UBE2E3: variants seen among roughly 807,000 people sequenced by gnomAD.
UBE2E3 encodes the protein ubiquitin conjugating enzyme E2 E3, also known as ubiquitin-conjugating enzyme E2 E3.
UBE2E3 carries 5 observed loss-of-function variants against 23.6 expected under a neutral mutation model. That is an observed-to-expected ratio of 0.21 (90% confidence interval 0.11 to 0.44). The LOEUF (loss-of-function observed/expected upper bound fraction) is 0.44, where lower values mean the gene tolerates loss of function less well. UBE2E3 is among the 20% of genes least tolerant of loss of function. UBE2E3 has a pLI of 0.99. For synonymous variants in UBE2E3, 78 were observed against 87.5 expected, an observed-to-expected ratio of 0.89 and a Z score of 0.60; for missense variants, 81 against 249.8, an observed-to-expected ratio of 0.32 and a Z score of 4.55.
intron 3 of UBE2E3, among the ~76,000 whole-genome samples, chr2:181,023,441 C>G (rs554778229): frequency 6.6e-6 from 1 of 152,264 alleles, no homozygotes; most frequent in Admixed American, 6.5e-5. Context: ...ATATTTGTTA[C>G]AAATACTTAA....
intron 3 of UBE2E3, among the ~76,000 whole-genome samples, chr2:181,030,119 A>C (rs1686030043): frequency 6.6e-6 from 1 of 151,958 alleles, no homozygotes. Flanking sequence ...GGTGTGAGCC[A>C]CCACACCTGG....
intron 4 of UBE2E3, among the ~76,000 whole-genome samples, chr2:181,058,638 T>C (rs1687049417): frequency 6.6e-6 from 1 of 151,758 alleles, no homozygotes; most frequent in Non-Finnish European, 1.5e-5. Flanking sequence ...TGAAATGTTT[T>C]TCTTTTCCAA....
At chr2:181,005,420 A>G (rs530278907) in intron 3 of UBE2E3, among the ~76,000 whole-genome samples, 1 of 152,206 alleles carries the variant, frequency 6.6e-6, no homozygotes, top group African/African-American at 2.4e-5. Flanking sequence ...TATCCCCAGG[A>G]TAGGAATGGC....
At chr2:180,981,134 C>T (rs1684275642) in intron 1 of UBE2E3, 161 bp downstream of exon 1, 1 of 147,108 alleles carries the variant, frequency 6.8e-6, no homozygotes, top group African/African-American at 2.4e-5. Flanking sequence ...TCACTTGGCG[C>T]CCGGCGCGGC....
At chr2:181,011,125 G>C (rs998502471) in intron 3 of UBE2E3, among the ~76,000 whole-genome samples, 2 of 151,700 alleles carry the variant, frequency 1.3e-5, no homozygotes, top group African/African-American at 4.8e-5. Flanking sequence ...CAACAATTCA[G>C]ATTTCTAGGC....
chr2:181,029,978 C>T (rs1045431168), intron 3 of UBE2E3, among the ~76,000 whole-genome samples: 3 of 151,510 alleles, frequency 2.0e-5, no homozygotes, highest in Non-Finnish European at 4.4e-5. Context: ...GGACTACAGG[C>T]GCCCGCCACC....
chr2:181,008,171 A>G (rs970343580), intron 3 of UBE2E3, among the ~76,000 whole-genome samples: 9 of 152,222 alleles, frequency 5.9e-5, no homozygotes, highest in African/African-American at 1.7e-4. Flanking sequence ...GGGTATGCCA[A>G]TCAGGCATAT....
chr2:180,994,495 C>G (rs1410334083), intron 3 of UBE2E3, among the ~76,000 whole-genome samples: 1 of 152,110 alleles, frequency 6.6e-6, no homozygotes, highest in Non-Finnish European at 1.5e-5. Flanking sequence ...GATAAGACTC[C>G]TTTTAACCAT....
chr2:180,984,803 G>A (rs1416214316), intron 3 of UBE2E3, among the ~76,000 whole-genome samples: 1 of 151,962 alleles, frequency 6.6e-6, no homozygotes, highest in African/African-American at 2.4e-5. Flanking sequence ...AAAGTAGCTG[G>A]TTGATTATTT....
intron 3 of UBE2E3, among the ~76,000 whole-genome samples, chr2:181,006,841 CT>C (rs1242368842): frequency 6.6e-6 from 1 of 152,154 alleles, no homozygotes; most frequent in Non-Finnish European, 1.5e-5. Context: ...AGAAGACTGA[CT>C]TTTGAAAGAT....
Position 180,980,881 on chromosome 2 carries a change from C to T in UBE2E3, c.-118C>T, listed in dbSNP as rs1235847707. 6.7e-6 allele frequency: 1 copy of T among 149,852 alleles called. No homozygotes were observed. Among genetic ancestry groups the T allele is most frequent in the Non-Finnish European group, 1.5e-5 (1 of 67,162 alleles). The allele number at this position is 149,852 out of a possible 1,614,324, so 9.3% of individuals were successfully genotyped here. On this transcript the variant is annotated 5_prime_UTR_variant, in exon 1 of 6. Coordinates refer to ENST00000410062, the MANE Select transcript of UBE2E3 (RefSeq NM_006357.4). The surrounding 1 kb of genome is among the most constrained non-coding windows in gnomAD (Gnocchi z 5.5). ...TTTCCCTCCCCCCCCTTCCCCCCCC[C>T]ACAGCTGCCTCCATTTCCTTAAGGA...
At position 181,000,406 on chromosome 2, in the gene UBE2E3, A is replaced by C. The variant is rs1164973430; in HGVS notation, c.245+16313A>C. On this transcript the variant is annotated intron_variant, in intron 3 of 5. Transcript: ENST00000410062. ...AAATAGGCATATATATTACTGGTTG[A>C]ATCTAAAATGTTAACACTGTACAAC... Among the ~76,000 whole-genome samples the C allele has an allele frequency of 2.0e-5, 3 of 152,184 alleles. No homozygotes were observed. The East Asian group carries it at 5.8e-4, about 29-fold the overall frequency.
At chr2:181,009,966 T>G (rs941246947) in intron 3 of UBE2E3, among the ~76,000 whole-genome samples, 1 of 152,164 alleles carries the variant, frequency 6.6e-6, no homozygotes. Flanking sequence ...TCTTCTCAAG[T>G]GTATTTGTAT....
chr2:180,980,398 C>T (rs1263914475), upstream of UBE2E3: 2 of 151,632 alleles, frequency 1.3e-5, no homozygotes, highest in Non-Finnish European at 2.9e-5. This position sits in a 1 kb window ranked among gnomAD's most constrained non-coding sequence, Gnocchi z 5.5. Flanking sequence ...GGGGCCAGCC[C>T]GCCGGGTCCC....
At chr2:181,003,081 C>T (rs1025171949) in intron 3 of UBE2E3, among the ~76,000 whole-genome samples, 1 of 152,110 alleles carries the variant, frequency 6.6e-6, no homozygotes. Flanking sequence ...TCTCTCTGTT[C>T]CTTTTGAGAA....
At position 181,017,822 on chromosome 2, in the gene UBE2E3, A is replaced by G. The variant is rs114012910; in HGVS notation, c.245+33729A>G. The stretch of plus-strand genomic sequence containing the variant: ...GAACTAAAACGGGTATCTGCTAACT[A>G]CAGGATAGGGGGTTTAAGATGCTTT... On this transcript the variant is annotated intron_variant, in intron 3 of 5. Coordinates refer to ENST00000410062, the MANE Select transcript of UBE2E3 (RefSeq NM_006357.4). 6.1e-3 allele frequency among the ~76,000 whole-genome samples: 911 copies of G among 149,484 alleles called. 13 individuals are homozygous for G. The highest frequency in any genetic ancestry group is 0.021 in the African/African-American group (847 of 40,290).
intron 3 of UBE2E3, among the ~76,000 whole-genome samples, chr2:181,035,834 G>T (rs1686258606): frequency 6.6e-6 from 1 of 152,100 alleles, no homozygotes; most frequent in South Asian, 2.1e-4. Context: ...ACAGAGGAAG[G>T]TCACATAATA....
chr2:181,045,462 A>T (rs1376446420), intron 3 of UBE2E3, among the ~76,000 whole-genome samples: 1 of 152,172 alleles, frequency 6.6e-6, no homozygotes, highest in Non-Finnish European at 1.5e-5. Flanking sequence ...ACATCTGAGG[A>T]TTGGAATACT....
chr2:180,993,057 T>C (rs138409915), intron 3 of UBE2E3, among the ~76,000 whole-genome samples: 12 of 152,324 alleles, frequency 7.9e-5, no homozygotes, highest in African/African-American at 2.9e-4. Flanking sequence ...AGTAGTAAAG[T>C]TAAATTGTAA....
Sources: gnomAD v4.1 joint callset for allele counts (sites outside exome capture counted in the v4.1 genomes callset) on GRCh38, gnomAD v4.1.1 for gene constraint, Gnocchi (gnomAD v3.1) non-coding constraint, MANE v1.5 for transcripts, NCBI Gene and HGNC (gene_info 2026-07-23, HGNC 2026-07-21) for gene names.